The following MYO5B variants were observed in gnomAD, a reference collection of about 807,000 sequenced individuals.
The protein encoded by MYO5B is myosin VB.
Under a neutral mutation model 229.3 loss-of-function variants are expected in MYO5B, and 143 were observed. That is an observed-to-expected ratio of 0.62 (90% CI 0.54 to 0.72). The LOEUF (loss-of-function observed/expected upper bound fraction) is 0.72. Among genes scored for constraint, MYO5B ranks in the 30% least tolerant of loss-of-function variants. MYO5B has a pLI of 0.00. For synonymous variants in MYO5B, 918 were observed against 885.2 expected (o/e 1.04, Z -0.66); for missense variants, 2,321 against 2,331.0 (o/e 1.00, Z 0.09).
chr18:50,035,214 G>A (rs2026435402), intron 4 of MYO5B, among the ~76,000 whole-genome samples: 2 of 150,858 alleles, frequency 1.3e-5, no homozygotes, highest in Admixed American at 1.3e-4. Flanking sequence ...CAAGCCTACA[G>A]GAGTCCACAA....
At chr18:49,988,505 A>G (rs911170177) in intron 7 of MYO5B, among the ~76,000 whole-genome samples, 1 of 152,150 alleles carries the variant, frequency 6.6e-6, no homozygotes, top group African/African-American at 2.4e-5. Flanking sequence ...ATCATGTTTA[A>G]CCTCAATATG....
chr18:50,151,206 A>C (rs2032593152), intron 1 of MYO5B, among the ~76,000 whole-genome samples: 2 of 152,204 alleles, frequency 1.3e-5, no homozygotes, highest in Non-Finnish European at 2.9e-5. Context: ...AACAGTTCTG[A>C]AAAATACATG....
intron 4 of MYO5B, among the ~76,000 whole-genome samples, chr18:50,026,085 C>G (rs1181805634): frequency 3.3e-5 from 5 of 152,124 alleles, no homozygotes; most frequent in Non-Finnish European, 7.4e-5. Flanking sequence ...CTAGTACACC[C>G]CAGCAGTTTG....
intron 29 of MYO5B, among the ~76,000 whole-genome samples, chr18:49,862,382 T>G (rs1209407220): frequency 6.6e-6 from 1 of 152,214 alleles, no homozygotes; most frequent in Non-Finnish European, 1.5e-5. Flanking sequence ...ACTCATCATG[T>G]GCGCACCACA....
At chr18:50,055,029 A>G (rs1198723174) in intron 2 of MYO5B, among the ~76,000 whole-genome samples, 3 of 152,192 alleles carry the variant, frequency 2.0e-5, no homozygotes, top group South Asian at 2.1e-4. Context: ...TTGATCACCA[A>G]TGATCTCTCA....
At chr18:49,840,287 T>C (rs575429314) in intron 35 of MYO5B, 2 of 152,370 alleles carry the variant, frequency 1.3e-5, no homozygotes, top group Non-Finnish European at 2.9e-5. Context: ...TTGGATATTA[T>C]GATTTTGTAA....
In MYO5B at chr18:49,936,313, T is replaced by C; in HGVS notation, c.1942A>G (p.Asn648Asp). 1 of 1,603,498 alleles carries C rather than the reference T, an allele frequency of 6.2e-7. No homozygotes were observed. Among genetic ancestry groups the C allele is most frequent in the Non-Finnish European group, 8.5e-7 (1 of 1,174,378 alleles). Reference protein sequence around the residue: ...TSLHLLMETLNATTPHYVRCI... With the variant: ...TSLHLLMETLDATTPHYVRCI... ...CGGACATAGTGAGGTGTCGTGGCAT[T>C]CAGGGTCTCCATGAGCAGATGCAGG... The change falls in exon 16 of 40, where the codon AAT becomes GAT. Residue 648 changes from asparagine (N) to aspartate (D), a missense_variant. Asn to Asp is a conservative substitution (Grantham distance 23, BLOSUM62 1). Transcript: ENST00000285039.
chr18:49,913,283 T>G (rs1414680973), intron 17 of MYO5B, among the ~76,000 whole-genome samples: 1 of 152,232 alleles, frequency 6.6e-6, no homozygotes, highest in African/African-American at 2.4e-5. Context: ...ATCTGCTATT[T>G]CCAGGTAGGG....
intron 10 of MYO5B, among the ~76,000 whole-genome samples, chr18:49,965,217 A>T (rs551849944): frequency 6.6e-6 from 1 of 152,282 alleles, no homozygotes; most frequent in South Asian, 2.1e-4. Flanking sequence ...GCCTCAAATG[A>T]CCAACTGGAT....
intron 17 of MYO5B, among the ~76,000 whole-genome samples, chr18:49,923,881 G>A (rs1314409570): frequency 2.0e-5 from 3 of 152,016 alleles, no homozygotes; most frequent in Admixed American, 6.6e-5. Context: ...CTTCTCCCCT[G>A]CTTGACATGG....
chr18:50,055,593 A>C (rs2030528368), intron 1 of MYO5B, among the ~76,000 whole-genome samples: 1 of 152,232 alleles, frequency 6.6e-6, no homozygotes, highest in Non-Finnish European at 1.5e-5. Flanking sequence ...TTTAGATGTT[A>C]AAAGAACGTT....
intron 4 of MYO5B, among the ~76,000 whole-genome samples, chr18:50,032,304 G>C (rs898817114): frequency 1.3e-5 from 2 of 151,764 alleles, no homozygotes; most frequent in African/African-American, 4.8e-5. Context: ...CCAATTTTTA[G>C]AACACTTCAT....
chr18:50,134,747 G>T (rs970569596), intron 1 of MYO5B, among the ~76,000 whole-genome samples: 1 of 152,042 alleles, frequency 6.6e-6, no homozygotes, highest in African/African-American at 2.4e-5. Context: ...GTGCCCTGGG[G>T]ATTGCTCACG....
intron 1 of MYO5B, among the ~76,000 whole-genome samples, chr18:50,154,973 T>A (rs894527331): frequency 2.0e-5 from 3 of 152,218 alleles, no homozygotes; most frequent in African/African-American, 7.2e-5. Context: ...TTACACAAGG[T>A]AGCACCACAG....
At chr18:50,157,137 G>A (rs1039190723) in intron 1 of MYO5B, among the ~76,000 whole-genome samples, 10 of 150,758 alleles carry the variant, frequency 6.6e-5, no homozygotes, top group South Asian at 4.2e-4. Context: ...ACGGAGTCTC[G>A]CTCTGTCGCC....
chr18:50,040,361 TAA>T, intron 2 of MYO5B, 47 bp from the exon 3 acceptor site: 1 of 1,537,700 alleles, frequency 6.5e-7, no homozygotes. Context: ...TATGAAGCGT[TAA>T]GTCTGTATTC....
chr18:49,978,431 G>A (rs2025777011), intron 9 of MYO5B, among the ~76,000 whole-genome samples: 1 of 152,008 alleles, frequency 6.6e-6, no homozygotes, highest in African/African-American at 2.4e-5. Context: ...CCCAATGCAG[G>A]TAGGTGTCCA....
chr18:49,935,059 T>C (rs906855172), intron 16 of MYO5B, among the ~76,000 whole-genome samples: 1 of 152,078 alleles, frequency 6.6e-6, no homozygotes, highest in South Asian at 2.1e-4. Flanking sequence ...AGTGAGAGGA[T>C]GTTTTTTAAA....
chr18:49,894,613 A>C (rs1233026149), intron 22 of MYO5B, among the ~76,000 whole-genome samples: 1 of 152,188 alleles, frequency 6.6e-6, no homozygotes, highest in Non-Finnish European at 1.5e-5. Context: ...AGCCTCTGTC[A>C]CGGCTTTCTT....
Sources: gnomAD v4.1 joint callset for allele counts (sites outside exome capture counted in the v4.1 genomes callset) on GRCh38, gnomAD v4.1.1 for gene constraint, MANE v1.5 for transcripts, NCBI Gene and HGNC (gene_info 2026-07-23, HGNC 2026-07-21) for gene names.